Variants in CDK13 observed in about 807,000 individuals in gnomAD.
CDK13 encodes the protein cyclin-dependent kinase 13.
In CDK13, 40 loss-of-function variants were observed where a neutral mutation model predicts 137.6. The observed-to-expected ratio is 0.29, with a 90% CI of 0.23 to 0.38. The LOEUF is 0.38. Ranked by LOEUF, CDK13 falls within the 10% of genes least tolerant of loss-of-function variation. The probability of loss-of-function intolerance (pLI) is 1.00; values close to 1 mark genes in which losing one functional copy is unlikely to be tolerated. For synonymous variants in CDK13, 869 were observed against 760.1 expected (o/e 1.14, Z -2.36); for missense variants, 1,704 against 1,951.8 (o/e 0.87, Z 2.39).
rs181497241 is a variant in CDK13 at position 40,058,014 on chromosome 7, C to T, written c.2601-4812C>T. Among the ~76,000 whole-genome samples the T allele has an allele frequency of 7.2e-5, 11 of 152,134 alleles. 1 individual carries two copies. The highest frequency in any genetic ancestry group is 1.2e-4 in the Non-Finnish European group (8 of 67,992). ...GAGTGCTACAAAGCAAATAAAATAACGACTATAGTGTCAAAGTAGGGGTGG... is the reference window on the plus strand; with the variant it reads ...GAGTGCTACAAAGCAAATAAAATAATGACTATAGTGTCAAAGTAGGGGTGG... On this transcript the variant is annotated intron_variant, in intron 7 of 13. Coordinates refer to ENST00000181839, the MANE Select transcript of CDK13 (RefSeq NM_003718.5).
At chr7:40,034,805 G>C (rs914253064) in intron 5 of CDK13, among the ~76,000 whole-genome samples, 3 of 152,202 alleles carry the variant, frequency 2.0e-5, no homozygotes, top group African/African-American at 7.2e-5. Flanking sequence ...TGGTAGAAGA[G>C]AATGGTATCT....
intron 1 of CDK13, among the ~76,000 whole-genome samples, chr7:39,976,457 T>A (rs1179838113): frequency 1.3e-5 from 2 of 151,922 alleles, no homozygotes; most frequent in East Asian, 3.9e-4. Context: ...TGCCTCTTCT[T>A]AGTTCCCCCA....
At chr7:40,078,881 T>C (rs776064312) in intron 11 of CDK13, 30 bp downstream of exon 11, 1 of 895,016 alleles carries the variant, frequency 1.1e-6, no homozygotes, top group South Asian at 3.7e-5. Context: ...ATTATTATTA[T>C]ATATTATTAT....
intron 5 of CDK13, among the ~76,000 whole-genome samples, chr7:40,005,292 T>A (rs1379149276): frequency 9.0e-3 from 2 of 222 alleles, no homozygotes; most frequent in African/African-American, 0.018. Flanking sequence ...TAAAGTGAAT[T>A]TTTTTTTTTT....
chr7:39,988,869 G>C (rs1436491919), intron 2 of CDK13, among the ~76,000 whole-genome samples: 5 of 152,014 alleles, frequency 3.3e-5, no homozygotes, highest in Non-Finnish European at 7.4e-5. Context: ...ATCACCTGAG[G>C]TCAGGAGTTC....
intron 9 of CDK13, among the ~76,000 whole-genome samples, chr7:40,064,660 G>A (rs1786237076): frequency 2.6e-5 from 4 of 151,924 alleles, no homozygotes; most frequent in Admixed American, 1.3e-4. Context: ...AGAAGTACCC[G>A]AAGCCAGAAA....
chr7:40,027,008 A>AC (rs140000366), intron 5 of CDK13, among the ~76,000 whole-genome samples: 15,933 of 151,896 alleles, frequency 0.1, 2,744 homozygotes, highest in African/African-American at 0.36. Context: ...TGTTCTAAAA[A>AC]CCCCATTTAA....
rs1303529130 is a variant in CDK13, at chr7:40,040,016, T to C, written c.2354-5820T>C. Among the ~76,000 whole-genome samples, 6 of 152,002 alleles carry C rather than the reference T, an allele frequency of 3.9e-5. No individual in the cohort carries two copies. In the South Asian group the frequency reaches 1.0e-3, roughly 26 times the overall value. On this transcript the variant is annotated intron_variant, in intron 5 of 13. Coordinates refer to ENST00000181839, the MANE Select transcript of CDK13 (RefSeq NM_003718.5). ...AGATAACTGATTCATTTGCTTTTTT[T>C]TTTTTTTTGAGATTGAGTTTTGCTC...
intron 12 of CDK13, among the ~76,000 whole-genome samples, chr7:40,089,399 C>G (rs1309814750): frequency 6.7e-6 from 1 of 150,070 alleles, no homozygotes; most frequent in African/African-American, 2.5e-5. Context: ...AAGATTGAAC[C>G]ACTGCACTCC....
At chr7:40,059,737 C>A (rs1484814798) in intron 7 of CDK13, among the ~76,000 whole-genome samples, 1 of 152,182 alleles carries the variant, frequency 6.6e-6, no homozygotes, top group East Asian at 1.9e-4. Context: ...TTGACACTTC[C>A]TTGAATGTAA....
At chr7:40,079,159 G>A (rs1031740124) in intron 11 of CDK13, among the ~76,000 whole-genome samples, 2 of 152,048 alleles carry the variant, frequency 1.3e-5, no homozygotes, top group African/African-American at 4.8e-5. Context: ...GGTGGCTCAC[G>A]CCTATAATCC....
At chr7:40,055,542 A>C (rs944233937) in intron 7 of CDK13, among the ~76,000 whole-genome samples, 1 of 151,000 alleles carries the variant, frequency 6.6e-6, no homozygotes, top group Non-Finnish European at 1.5e-5. Flanking sequence ...CTAATAGCGC[A>C]AGTTTGAAAT....
Position 40,094,682 on chromosome 7 carries a change from C to T in CDK13, c.4241C>T (p.Ala1414Val), listed in dbSNP as rs370641481. The T allele has an allele frequency of 6.8e-6, 11 of 1,614,054 alleles. No individual in the cohort carries two copies. The highest frequency in any genetic ancestry group is 6.7e-5 in the Admixed American group (4 of 59,998). ...VAGYGDIYLN[A>V]GPMLFSGDKD... Reference sequence around the variant, plus strand: ...GGATATGGAGACATTTACCTCAATGCTGGTCCCATGTTGTTTAGTGGAGAC... The same window carrying T: ...GGATATGGAGACATTTACCTCAATGTTGGTCCCATGTTGTTTAGTGGAGAC... The change falls in exon 14 of 14, where the codon GCT becomes GTT. Residue 1414 changes from alanine (A) to valine (V), a missense_variant. By Grantham distance (64) the Ala-to-Val change is moderately conservative. Transcript: ENST00000181839.
intron 9 of CDK13, among the ~76,000 whole-genome samples, chr7:40,077,144 C>T (rs1389049333): frequency 1.3e-5 from 2 of 152,122 alleles, no homozygotes; most frequent in African/African-American, 4.8e-5. Flanking sequence ...TTCTTTATGA[C>T]TTAAGATCAG....
At chr7:40,015,557 C>A (rs568485738) in intron 5 of CDK13, among the ~76,000 whole-genome samples, 1 of 152,176 alleles carries the variant, frequency 6.6e-6, no homozygotes, top group South Asian at 2.1e-4. Flanking sequence ...GAATATGGCA[C>A]ATAGTAAGCA....
At chr7:40,063,418 G>A (rs906825502) in intron 9 of CDK13, among the ~76,000 whole-genome samples, 2 of 152,020 alleles carry the variant, frequency 1.3e-5, no homozygotes, top group African/African-American at 4.8e-5. Flanking sequence ...GAGAATGAAT[G>A]CTAGATACAT....
At chr7:39,996,982 A>G (rs1296285151) in intron 2 of CDK13, among the ~76,000 whole-genome samples, 1 of 149,954 alleles carries the variant, frequency 6.7e-6, no homozygotes, top group South Asian at 2.1e-4. Flanking sequence ...AAAAAGAAAA[A>G]AAAAAAGAAA....
chr7:40,093,190 C>T lies in CDK13; in HGVS notation c.3641C>T (p.Ala1214Val), dbSNP rs201984050. The T allele has an allele frequency of 5.5e-5, 88 of 1,613,778 alleles. No homozygotes were observed. Among genetic ancestry groups the T allele is most frequent in the African/African-American group, 6.7e-5 (5 of 74,926 alleles). ...AGGGAAAATGGATCGGGACATGAAG[C>T]GTCATTACAACTCAGGCCACCTCCA... ...EERENGSGHE[A>V]SLQLRPPPEP... The change falls in exon 13 of 14, where the codon GCG becomes GTG. Residue 1214 changes from alanine to valine, a missense_variant. By Grantham distance (64) the Ala-to-Val change is moderately conservative. Transcript: ENST00000181839.
At chr7:40,035,780 G>A (rs913169109) in intron 5 of CDK13, among the ~76,000 whole-genome samples, 6 of 41,218 alleles carry the variant, frequency 1.5e-4, no homozygotes, top group African/African-American at 3.0e-4. Flanking sequence ...CCACCCACCC[G>A]TCCCCCCATC....
Sources: allele counts gnomAD v4.1 joint callset (sites outside exome capture counted in the v4.1 genomes callset), GRCh38; gene constraint gnomAD v4.1.1; transcripts MANE v1.5; gene names NCBI Gene and HGNC (gene_info 2026-07-23, HGNC 2026-07-21).